TOX3: variants seen among roughly 807,000 people sequenced by gnomAD.
TOX3 encodes CAG trinucleotide repeat-containing gene F9 protein.
A neutral mutation model predicts 64.3 loss-of-function variants in TOX3; 22 were observed. The observed-to-expected ratio is 0.34, with a 90% CI of 0.24 to 0.49. TOX3 has a LOEUF of 0.49. Ranked by LOEUF, TOX3 falls within the 20% of genes least tolerant of loss-of-function variation. The pLI is 0.99. For missense variants in TOX3, 661 were observed against 714.4 expected (o/e 0.93, Z 0.85); for synonymous variants, 291 against 273.6 (o/e 1.06, Z -0.63).
intron 1 of TOX3, among the ~76,000 whole-genome samples, chr16:52,533,308 T>C (rs1242241041): frequency 6.6e-6 from 1 of 152,128 alleles, no homozygotes; most frequent in East Asian, 1.9e-4. Flanking sequence ...TTTATCCACA[T>C]CCCCATGTGC....
chr16:52,514,478 T>A (rs1312462048), intron 1 of TOX3, among the ~76,000 whole-genome samples: 1 of 152,152 alleles, frequency 6.6e-6, no homozygotes, highest in Non-Finnish European at 1.5e-5. Flanking sequence ...AAAGAAGCCA[T>A]TTAAGAAATG....
rs1567305587 is a variant in TOX3, at chr16:52,438,452, A to C, written c.*773T>G. 2 of 152,674 alleles carry C rather than the reference A, an allele frequency of 1.3e-5. No homozygotes were observed. The highest frequency in any genetic ancestry group is 2.4e-5 in the African/African-American group (1 of 41,456). The allele number at this position is 152,674 out of a possible 1,614,324, so 9.5% of individuals were successfully genotyped here. A position where few individuals can be genotyped will look rare whatever the true frequency, so the allele number is the denominator to read the frequency against. On this transcript the variant is annotated 3_prime_UTR_variant, in exon 7 of 7. Transcript: ENST00000219746. ...ATTTAAGTGCATTTCCCTTTTAAAA[A>C]TACAGTGTTTTTATTTTTCGAAACT...
chr16:52,504,758 G>T (rs1431224903), intron 1 of TOX3, among the ~76,000 whole-genome samples: 1 of 152,166 alleles, frequency 6.6e-6, no homozygotes, highest in African/African-American at 2.4e-5. Context: ...TCAGGAAGTG[G>T]TGAGTGGAGA....
chr16:52,450,860 A>AAGGAAGGAAG (rs1567313174), intron 3 of TOX3, among the ~76,000 whole-genome samples: 3 of 144,852 alleles, frequency 2.1e-5, no homozygotes, highest in South Asian at 2.3e-4. Context: ...AAGGAAGGAA[A>AAGGAAGGAAG]AAAAGAAGAA....
chr16:52,530,497 C>A (rs1009870736), intron 1 of TOX3, among the ~76,000 whole-genome samples: 2 of 152,000 alleles, frequency 1.3e-5, no homozygotes, highest in Admixed American at 1.3e-4. Context: ...CCACCACGCC[C>A]GGCTACTTTT....
intron 1 of TOX3, among the ~76,000 whole-genome samples, chr16:52,509,472 T>C (rs1596841714): frequency 6.6e-6 from 1 of 152,362 alleles, no homozygotes; most frequent in East Asian, 1.9e-4. Context: ...TTCTTCAGCA[T>C]AGTTCTAAAA....
chr16:52,536,145 C>T (rs546669944), intron 1 of TOX3, among the ~76,000 whole-genome samples: 11 of 152,234 alleles, frequency 7.2e-5, no homozygotes, highest in African/African-American at 2.4e-4. Context: ...TAAATACACC[C>T]CCTATCCTCA....
chr16:52,540,509 T>C (rs528835370), intron 1 of TOX3, among the ~76,000 whole-genome samples: 1 of 152,246 alleles, frequency 6.6e-6, no homozygotes, highest in East Asian at 1.9e-4. Flanking sequence ...TAATTAATTA[T>C]GCTCACGTAG....
At chr16:52,487,740 A>C (rs920510756) in intron 1 of TOX3, among the ~76,000 whole-genome samples, 2 of 152,188 alleles carry the variant, frequency 1.3e-5, no homozygotes, top group Non-Finnish European at 2.9e-5. Context: ...TAATACATGA[A>C]ATATTAACTG....
At position 52,466,519 on chromosome 16, in the gene TOX3, T is replaced by A. The variant is rs997824691; in HGVS notation, c.153+1990A>T. On this transcript the variant is annotated intron_variant, in intron 2 of 6. Transcript: ENST00000219746. ...CTGGGAAATTAGGCACGTGCTATAA[T>A]GTAGCATTAACATTTACTTGGGCTT... Among the ~76,000 whole-genome samples, 6 of 152,228 alleles carry A rather than the reference T, an allele frequency of 3.9e-5. 1 individual carries two copies. The highest frequency in any genetic ancestry group is 1.4e-4 in the African/African-American group (6 of 41,468).
chr16:52,493,574 A>T (rs73588803), intron 1 of TOX3, among the ~76,000 whole-genome samples: 2,791 of 152,290 alleles, frequency 0.018, 94 homozygotes, highest in African/African-American at 0.062. Flanking sequence ...AATATTGGAC[A>T]AACCTAAATA....
chr16:52,492,963 T>C (rs1015854603), intron 1 of TOX3, among the ~76,000 whole-genome samples: 4 of 151,950 alleles, frequency 2.6e-5, no homozygotes, highest in Admixed American at 1.3e-4. Flanking sequence ...AGACTTTTTC[T>C]GAAGGCAAAA....
chr16:52,487,815 T>C (rs1961571879), intron 1 of TOX3, among the ~76,000 whole-genome samples: 2 of 152,204 alleles, frequency 1.3e-5, no homozygotes, highest in African/African-American at 4.8e-5. Flanking sequence ...TTTTGATAAA[T>C]GTTGATGTTG....
chr16:52,536,173 T>C (rs1401087007), intron 1 of TOX3, among the ~76,000 whole-genome samples: 1 of 152,068 alleles, frequency 6.6e-6, no homozygotes, highest in African/African-American at 2.4e-5. Flanking sequence ...TACATTTCAG[T>C]GGAAAGAGAT....
Position 52,450,378 on chromosome 16 carries a change from C to T in TOX3, c.577G>A (p.Ala193Thr), listed in dbSNP as rs776924792. 2.5e-6 allele frequency: 4 copies of T among 1,613,998 alleles called. No individual in the cohort carries two copies. The highest frequency in any genetic ancestry group is 1.7e-5 in the Admixed American group (1 of 60,024). Reference protein sequence around the residue: ...SAQLGLNLGGASMPHTSPSPP... With the variant: ...SAQLGLNLGGTSMPHTSPSPP... ...GAAGGAGATGTGTGAGGCATACTGG[C>T]ACCTCCCAAATTCAACCCCAACTGG... The change falls in exon 4 of 7, where the codon GCC becomes ACC. Residue 193 changes from alanine (A) to threonine (T), a missense_variant. Physicochemically the swap from Ala to Thr is moderately conservative, Grantham distance 58. Transcript: ENST00000219746.
At position 52,436,480 on chromosome 16, in the gene TOX3, C is replaced by T. The variant is rs1204083489; in HGVS notation, c.*2745G>A. Among the ~76,000 whole-genome samples the T allele has an allele frequency of 6.6e-6, 1 of 152,062 alleles. No homozygotes were observed. Among genetic ancestry groups the T allele is most frequent in the Non-Finnish European group, 1.5e-5 (1 of 68,014 alleles). ...AAAGAAAAAGCGCACCAAGTACTTA[C>T]TTAAGTCTCAGGAATAGAAACCAGT... On this transcript the variant is annotated 3_prime_UTR_variant, in exon 7 of 7. Coordinates refer to ENST00000219746, the MANE Select transcript of TOX3 (RefSeq NM_001080430.4).
intron 1 of TOX3, among the ~76,000 whole-genome samples, chr16:52,475,929 A>C (rs1288211442): frequency 6.6e-6 from 1 of 152,170 alleles, no homozygotes; most frequent in Non-Finnish European, 1.5e-5. Flanking sequence ...ACTCCAAAGC[A>C]CTCTAATATT....
chr16:52,490,705 C>G (rs1403715566), intron 1 of TOX3, among the ~76,000 whole-genome samples: 1 of 135,792 alleles, frequency 7.4e-6, no homozygotes, highest in Non-Finnish European at 1.5e-5. Flanking sequence ...ACATGGCTTA[C>G]TGCAGCCTTA....
chr16:52,454,543 T>C, intron 3 of TOX3, among the ~76,000 whole-genome samples: 1 of 152,206 alleles, frequency 6.6e-6, no homozygotes, highest in Non-Finnish European at 1.5e-5. Flanking sequence ...AGTGTCTCTT[T>C]GGAAATTCAA....
Sources: gnomAD v4.1 joint callset for allele counts (sites outside exome capture counted in the v4.1 genomes callset) on GRCh38, gnomAD v4.1.1 for gene constraint, MANE v1.5 for transcripts, NCBI Gene and HGNC (gene_info 2026-07-23, HGNC 2026-07-21) for gene names.